The following NCOA7 variants were observed in gnomAD, a reference collection of about 807,000 sequenced individuals.
NCOA7 encodes the protein nuclear receptor coactivator 7.
A neutral mutation model predicts 104.3 loss-of-function variants in NCOA7; 45 were observed. The ratio of observed to expected loss-of-function variants is 0.43; its 90% CI spans 0.34 to 0.55. NCOA7 has a LOEUF of 0.55. NCOA7 is among the 20% of genes least tolerant of loss of function. The pLI is 0.02. For synonymous variants in NCOA7, 398 were observed against 402.3 expected, an observed-to-expected ratio of 0.99 and a Z score of 0.13; for missense variants, 1,041 against 1,119.7, an observed-to-expected ratio of 0.93 and a Z score of 1.00.
chr6:125,885,468 G>A, intron 8 of NCOA7, 125 bp downstream of exon 8: 1 of 805,184 alleles, frequency 1.2e-6, no homozygotes, highest in Non-Finnish European at 1.9e-6. Flanking sequence ...GAAGACTTGT[G>A]CACTGAAGAA....
intron 12 of NCOA7, among the ~76,000 whole-genome samples, chr6:125,922,153 G>T (rs925594917): frequency 2.6e-5 from 4 of 152,128 alleles, no homozygotes; most frequent in African/African-American, 9.7e-5. Flanking sequence ...ATACATTATT[G>T]GTTATTTATG....
At chr6:125,821,744 T>G (rs979471933) in intron 2 of NCOA7, among the ~76,000 whole-genome samples, 1 of 152,114 alleles carries the variant, frequency 6.6e-6, no homozygotes, top group African/African-American at 2.4e-5. Context: ...CCTGTGTAAG[T>G]CAGGGTGTTG....
At chr6:125,888,264 A>G (rs1392160731) in intron 8 of NCOA7, among the ~76,000 whole-genome samples, 1 of 152,236 alleles carries the variant, frequency 6.6e-6, no homozygotes, top group African/African-American at 2.4e-5. Context: ...AGCTTTTTAG[A>G]TAAGATTTAC....
chr6:125,874,820 A>G (rs1783222106), intron 3 of NCOA7, 69 bp from the exon 4 acceptor site: 2 of 1,186,672 alleles, frequency 1.7e-6, no homozygotes, highest in East Asian at 2.3e-5. Flanking sequence ...GTTTCTATAT[A>G]TGGTAGTTTT....
chr6:125,928,767 A>G lies in NCOA7; in HGVS notation c.2825A>G (p.Asp942Gly). The change falls in exon 16 of 16, where the codon GAT becomes GGT. Residue 942 changes from aspartate to glycine, a missense_variant. Transcript: ENST00000392477. ...IVQDLEVWAFD is the reference protein window; with the variant it reads ...IVQDLEVWAFG ...CAGGATCTGGAGGTGTGGGCATTTG[A>G]TTGAAATTCAGACTGCCTTAAAATA... The G allele has an allele frequency of 6.2e-7, 1 of 1,610,754 alleles. No homozygotes were observed. The highest frequency in any genetic ancestry group is 8.5e-7 in the Non-Finnish European group (1 of 1,179,084).
At chr6:125,885,500 TGAAAA>T (rs755144755) in intron 8 of NCOA7, among the ~76,000 whole-genome samples, 157 bp downstream of exon 8, 11 of 149,830 alleles carry the variant, frequency 7.3e-5, no homozygotes, top group Non-Finnish European at 1.3e-4. Context: ...TGAGAAGAAA[TGAAAA>T]GAATAAAATC....
intron 2 of NCOA7, among the ~76,000 whole-genome samples, chr6:125,819,247 T>C (rs964917344): frequency 1.3e-5 from 2 of 152,134 alleles, no homozygotes; most frequent in Non-Finnish European, 2.9e-5. Flanking sequence ...GACGTTTCGC[T>C]CTTTAACATC....
intron 1 of NCOA7, among the ~76,000 whole-genome samples, chr6:125,798,795 A>C (rs575570549): frequency 6.6e-6 from 1 of 152,318 alleles, no homozygotes; most frequent in South Asian, 2.1e-4. Flanking sequence ...TTATAATGAT[A>C]ATTATTGAAC....
intron 2 of NCOA7, among the ~76,000 whole-genome samples, chr6:125,834,684 C>G (rs1483183743): frequency 6.6e-6 from 1 of 152,150 alleles, no homozygotes; most frequent in Admixed American, 6.6e-5. Flanking sequence ...GAAGCTGAGG[C>G]AAAATTAATG....
chr6:125,833,096 G>A (rs1779319928), intron 2 of NCOA7, among the ~76,000 whole-genome samples: 1 of 152,174 alleles, frequency 6.6e-6, no homozygotes, highest in South Asian at 2.1e-4. Context: ...TCCAGTTTGT[G>A]TTGCCGCAGA....
intron 13 of NCOA7, among the ~76,000 whole-genome samples, chr6:125,926,594 G>A (rs1788060323): frequency 6.6e-6 from 1 of 152,076 alleles, no homozygotes; most frequent in Non-Finnish European, 1.5e-5. Context: ...GTTCTTAGCA[G>A]CTCTAGGGAA....
chr6:125,881,881 T>C (rs984157669), intron 6 of NCOA7, among the ~76,000 whole-genome samples: 5 of 152,084 alleles, frequency 3.3e-5, no homozygotes, highest in Admixed American at 6.6e-5. Context: ...GACAGAGTCT[T>C]TCTCCGTCAC....
At chr6:125,884,308 C>T (rs1046323354) in intron 7 of NCOA7, among the ~76,000 whole-genome samples, 2 of 152,164 alleles carry the variant, frequency 1.3e-5, no homozygotes, top group East Asian at 1.9e-4. Flanking sequence ...TGCAAATAAA[C>T]ATGCAAGTGC....
intron 2 of NCOA7, among the ~76,000 whole-genome samples, chr6:125,853,371 T>C (rs1047074494): frequency 2.6e-5 from 4 of 152,148 alleles, no homozygotes; most frequent in South Asian, 4.1e-4. Flanking sequence ...TGACTTCCTC[T>C]TTTTTTATTT....
chr6:125,921,210 G>A, intron 12 of NCOA7, 142 bp downstream of exon 12: 1 of 1,107,882 alleles, frequency 9.0e-7, no homozygotes, highest in Non-Finnish European at 1.2e-6. Flanking sequence ...AGGAGTTTGA[G>A]ACCAGACTGG....
At position 125,929,973 on chromosome 6, in the gene NCOA7, A is replaced by G. The variant is rs1788369599; in HGVS notation, c.*1202A>G. 6.6e-6 allele frequency: 1 copy of G among 152,242 alleles called. No homozygotes were observed. The allele number at this position is 152,242 out of a possible 1,614,324, so 9.4% of individuals were successfully genotyped here. A position where few individuals can be genotyped will look rare whatever the true frequency, so the allele number is the denominator to read the frequency against. On this transcript the variant is annotated 3_prime_UTR_variant, in exon 16 of 16. Coordinates refer to ENST00000392477, the MANE Select transcript of NCOA7 (RefSeq NM_181782.5). Reference sequence around the variant, plus strand: ...TTCATTTATTTGAGAAAAAAACAATACAAAGAAATGCATTCATATCAAAAT... The same window carrying G: ...TTCATTTATTTGAGAAAAAAACAATGCAAAGAAATGCATTCATATCAAAAT...
At chr6:125,880,870 A>G (rs1002433006) in intron 5 of NCOA7, among the ~76,000 whole-genome samples, 1 of 152,114 alleles carries the variant, frequency 6.6e-6, no homozygotes, top group Admixed American at 6.6e-5. Context: ...CAGTGTCTAC[A>G]GGCATGTTCT....
At position 125,922,692 on chromosome 6, in the gene NCOA7, G is replaced by A. The variant is rs768781344; in HGVS notation, c.2381G>A (p.Arg794His). The stretch of plus-strand genomic sequence containing the variant: ...CCTTTGGCTTTGTAGCTGGCCCGAC[G>A]CCTTCCTGCAAGGGTGCAAGGGTAT... ...ENMHIEQLAR[R>H]LPARVQGYPW... The change falls in exon 13 of 16, where the codon CGC becomes CAC. Residue 794 changes from arginine (R) to histidine (H), a missense_variant. By Grantham distance (29) the Arg-to-His change is conservative. Coordinates refer to ENST00000392477, the MANE Select transcript of NCOA7 (RefSeq NM_181782.5). The A allele has an allele frequency of 3.7e-6, 6 of 1,612,276 alleles. No individual in the cohort carries two copies. The highest frequency in any genetic ancestry group is 2.2e-5 in the South Asian group (2 of 90,946).
At chr6:125,847,152 GTA>G (rs1780687383) in intron 2 of NCOA7, among the ~76,000 whole-genome samples, 1 of 152,152 alleles carries the variant, frequency 6.6e-6, no homozygotes, top group South Asian at 2.1e-4. Context: ...GTGTGTGTGT[GTA>G]TGTACCCTTG....
Sources: gnomAD v4.1 joint callset for allele counts (sites outside exome capture counted in the v4.1 genomes callset) on GRCh38, gnomAD v4.1.1 for gene constraint, MANE v1.5 for transcripts, NCBI Gene and HGNC (gene_info 2026-07-23, HGNC 2026-07-21) for gene names.